TBC1D5: variants seen among roughly 807,000 people sequenced by gnomAD.
TBC1D5 encodes TBC1 domain family member 5, also known as TBC1 domain family, member 5.
A neutral mutation model predicts 100.3 loss-of-function variants in TBC1D5; 75 were observed. The observed-to-expected ratio is 0.75, with a 90% CI of 0.62 to 0.91. The LOEUF (loss-of-function observed/expected upper bound fraction) is 0.91. Among genes scored for constraint, TBC1D5 ranks in the 40% least tolerant of loss-of-function variants. The pLI, the probability that TBC1D5 is intolerant of heterozygous loss-of-function variation, is 0.00. For missense variants in TBC1D5, 910 were observed against 942.4 expected (o/e 0.97, Z 0.45); for synonymous variants, 323 against 325.6 (o/e 0.99, Z 0.09).
chr3:17,344,248 C>A (rs1287900021), intron 13 of TBC1D5, among the ~76,000 whole-genome samples: 1 of 152,008 alleles, frequency 6.6e-6, no homozygotes, highest in Non-Finnish European at 1.5e-5. Flanking sequence ...GTACAAAAAT[C>A]ACAAGCATTC....
chr3:17,271,973 G>A (rs778304047), intron 15 of TBC1D5, among the ~76,000 whole-genome samples: 9 of 152,158 alleles, frequency 5.9e-5, no homozygotes, highest in African/African-American at 1.4e-4. Context: ...CTTAAAGGCA[G>A]CTAGAGAAAA....
intron 1 of TBC1D5, among the ~76,000 whole-genome samples, chr3:17,657,498 G>A (rs549887438): frequency 5.9e-5 from 9 of 151,936 alleles, no homozygotes; most frequent in Admixed American, 4.6e-4. Context: ...CACCATGCCC[G>A]GCTAATTTTT....
chr3:17,599,120 T>C (rs566010681), intron 2 of TBC1D5, among the ~76,000 whole-genome samples: 1 of 152,160 alleles, frequency 6.6e-6, no homozygotes, highest in Non-Finnish European at 1.5e-5. Context: ...ATTTGTGCCA[T>C]GAAAGTGATA....
chr3:17,406,965 A>T (rs2093787108), intron 4 of TBC1D5, among the ~76,000 whole-genome samples: 1 of 152,156 alleles, frequency 6.6e-6, no homozygotes. Flanking sequence ...CTTTAATGTC[A>T]GGCTGGACAG....
intron 18 of TBC1D5, among the ~76,000 whole-genome samples, chr3:17,191,913 C>A (rs905695520): frequency 7.9e-5 from 12 of 152,006 alleles, no homozygotes; most frequent in Non-Finnish European, 1.8e-4. Flanking sequence ...CATGAGTCAT[C>A]GCACCCAACT....
chr3:17,601,974 C>A (rs1475289344), intron 2 of TBC1D5, among the ~76,000 whole-genome samples: 1 of 152,052 alleles, frequency 6.6e-6, no homozygotes, highest in Non-Finnish European at 1.5e-5. Context: ...GGACTATAGG[C>A]GCCTGCCACC....
chr3:17,325,576 C>G (rs542279176), intron 13 of TBC1D5, among the ~76,000 whole-genome samples: 1 of 152,126 alleles, frequency 6.6e-6, no homozygotes, highest in African/African-American at 2.4e-5. Flanking sequence ...CCTGCCTTGG[C>G]CTCCCAAAGT....
chr3:17,514,594 T>C (rs1434087542), intron 2 of TBC1D5, among the ~76,000 whole-genome samples: 2 of 152,090 alleles, frequency 1.3e-5, no homozygotes, highest in East Asian at 3.9e-4. Context: ...ATAAACAATA[T>C]ACCTACTGAG....
intron 3 of TBC1D5, among the ~76,000 whole-genome samples, chr3:17,463,837 G>C (rs2095255690): frequency 6.6e-6 from 1 of 151,064 alleles, no homozygotes; most frequent in Non-Finnish European, 1.5e-5. Context: ...AATGTGGCCT[G>C]CTAATTTCAT....
chr3:17,467,664 C>T (rs555279636), intron 3 of TBC1D5, among the ~76,000 whole-genome samples: 2 of 151,986 alleles, frequency 1.3e-5, no homozygotes, highest in Non-Finnish European at 2.9e-5. Context: ...CACATGAGGC[C>T]AGGAGTTTCA....
intron 2 of TBC1D5, among the ~76,000 whole-genome samples, chr3:17,577,267 A>G (rs1456475963): frequency 2.0e-5 from 3 of 151,992 alleles, no homozygotes; most frequent in African/African-American, 7.2e-5. Flanking sequence ...ACTAATAAAC[A>G]GCAATTCACC....
At chr3:17,718,403 C>T (rs1319568244) in intron 1 of TBC1D5, among the ~76,000 whole-genome samples, 1 of 152,072 alleles carries the variant, frequency 6.6e-6, no homozygotes, top group Non-Finnish European at 1.5e-5. Flanking sequence ...CGAGACCATC[C>T]TAGCTAACAT....
intron 3 of TBC1D5, among the ~76,000 whole-genome samples, chr3:17,469,108 A>C (rs753455925): frequency 2.0e-5 from 3 of 152,206 alleles, no homozygotes; most frequent in Non-Finnish European, 4.4e-5. Flanking sequence ...ACACTCCCAC[A>C]ATAGTTCCTG....
At chr3:17,727,405 T>C (rs886790391) in intron 1 of TBC1D5, among the ~76,000 whole-genome samples, 3 of 151,972 alleles carry the variant, frequency 2.0e-5, no homozygotes, top group Non-Finnish European at 2.9e-5. Flanking sequence ...AATTAAGTAT[T>C]TGAAACAACT....
chr3:17,543,377 A>G (rs1411448076), intron 2 of TBC1D5, among the ~76,000 whole-genome samples: 1 of 152,204 alleles, frequency 6.6e-6, no homozygotes, highest in East Asian at 1.9e-4. Context: ...TCACACCTGT[A>G]ATCCCAGCAC....
At chr3:17,531,303 A>C (rs1231441329) in intron 2 of TBC1D5, among the ~76,000 whole-genome samples, 1 of 152,186 alleles carries the variant, frequency 6.6e-6, no homozygotes, top group Non-Finnish European at 1.5e-5. Context: ...CTTCAAGGAG[A>C]ACTACAAACC....
intron 2 of TBC1D5, among the ~76,000 whole-genome samples, chr3:17,515,922 G>T (rs1352743640): frequency 2.6e-5 from 4 of 152,058 alleles, no homozygotes; most frequent in African/African-American, 9.7e-5. Context: ...TTATCAAATA[G>T]CCAAAACTGT....
In TBC1D5 at chr3:17,634,921, A is replaced by C. The variant is rs568881088; in HGVS notation, c.-100-11008T>G. ...CTGCTATCGAATACAATTAAACACA[A>C]AAATTAAGTAACAGTTAAAATTAGG... On this transcript the variant is annotated intron_variant, in intron 1 of 21. Transcript: ENST00000253692. Among the ~76,000 whole-genome samples, 10 of 152,358 alleles carry C rather than the reference A, an allele frequency of 6.6e-5. No individual in the cohort carries two copies. The East Asian group carries it at 1.9e-3, about 29-fold the overall frequency.
intron 13 of TBC1D5, among the ~76,000 whole-genome samples, chr3:17,346,718 T>A (rs1353922779): frequency 1.3e-5 from 2 of 152,214 alleles, no homozygotes; most frequent in African/African-American, 2.4e-5. Flanking sequence ...CCTTTCACGT[T>A]TAATTCTTAC....
Sources: allele counts gnomAD v4.1 joint callset (sites outside exome capture counted in the v4.1 genomes callset), GRCh38; gene constraint gnomAD v4.1.1; transcripts MANE v1.5; gene names NCBI Gene and HGNC (gene_info 2026-07-23, HGNC 2026-07-21).